OFD1: variants seen among roughly 807,000 people sequenced by gnomAD.
OFD1 encodes centriole and centriolar satellite protein OFD1.
Under a neutral mutation model 81.4 loss-of-function variants are expected in OFD1, and 12 were observed. The observed-to-expected ratio is 0.15, with a 90% confidence interval of 0.09 to 0.24. OFD1 has a LOEUF of 0.24. Among genes scored for constraint, OFD1 ranks in the 10% least tolerant of loss-of-function variants. The probability of loss-of-function intolerance (pLI) is 1.00; values close to 1 mark genes in which losing one functional copy is unlikely to be tolerated. For synonymous variants in OFD1, 256 were observed against 263.7 expected (o/e 0.97, Z 0.28); for missense variants, 685 against 733.9 (o/e 0.93, Z 0.77).
chrX:13,768,285 A>T, intron 21 of OFD1, 61 bp downstream of exon 21: 1 of 893,588 alleles, frequency 1.1e-6, no homozygotes, highest in Non-Finnish European at 1.6e-6. Context: ...TCCGTGGCTT[A>T]ACTTCTTGGG....
chrX:13,765,423 T>C (rs748188222), intron 19 of OFD1, among the ~76,000 whole-genome samples: 1 of 111,942 alleles, frequency 8.9e-6, no homozygotes, highest in East Asian at 2.8e-4. Context: ...GGAGTAACTA[T>C]TTTTTCTTCT....
Position 13,769,168 on chromosome X carries a change from CT to C in OFD1, c.*63del. ...GTGAGAAGTTACGTAACATTTACTC[CT>C]TTGTAAATGTTTCCCTATCATCAGA... On this transcript the variant is annotated 3_prime_UTR_variant, in exon 23 of 23. Coordinates refer to ENST00000340096, the MANE Select transcript of OFD1 (RefSeq NM_003611.3). 3 of 892,711 alleles carry C rather than the reference CT, an allele frequency of 3.4e-6. No homozygotes were observed. The highest frequency in any genetic ancestry group is 4.9e-6 in the Non-Finnish European group (3 of 607,108). The allele number at this position is 892,711 out of a possible 1,213,427, so 73.6% of individuals were successfully genotyped here. A position where few individuals can be genotyped will look rare whatever the true frequency, so the allele number is the denominator to read the frequency against.
rs915327358 is a variant in OFD1, at chrX:13,736,189, G to C, written c.112-289G>C. 2.4e-5 allele frequency: 22 copies of C among 912,796 alleles called. No individual in the cohort carries two copies. In the African/African-American group the frequency reaches 4.1e-4, roughly 17 times the overall value. The allele number at this position is 912,796 out of a possible 1,213,427, so 75.2% of individuals were successfully genotyped here. A position where few individuals can be genotyped will look rare whatever the true frequency, so the allele number is the denominator to read the frequency against. On this transcript the variant is annotated intron_variant, in intron 2 of 22. Coordinates refer to ENST00000340096, the MANE Select transcript of OFD1 (RefSeq NM_003611.3). ...TAAGCTGCTGAAATGGGCTTCTAGG[G>C]AAGTGAAGTTATGAGTCTGCAAGTG...
chrX:13,758,181 GT>G (rs201339023), intron 14 of OFD1, among the ~76,000 whole-genome samples, 155 bp from the exon 15 acceptor site: 4 of 108,753 alleles, frequency 3.7e-5, no homozygotes, highest in Non-Finnish European at 7.7e-5. Flanking sequence ...TTCTGCTTGT[GT>G]TTTTTTTTAA....
At chrX:13,746,723 T>C (rs2146969387) in intron 7 of OFD1, 57 bp from the exon 8 acceptor site, 1 of 936,909 alleles carries the variant, frequency 1.1e-6, no homozygotes, top group East Asian at 3.2e-5. Flanking sequence ...AGAGAACTTG[T>C]TCCTGTTTTT....
upstream of OFD1, among the ~76,000 whole-genome samples, chrX:13,729,926 C>CA (rs200745725): frequency 0.011 from 1,204 of 110,349 alleles, 20 homozygotes; most frequent in African/African-American, 0.038. Flanking sequence ...AAAAAACAAA[C>CA]AAAAAAAAGA....
upstream of OFD1, among the ~76,000 whole-genome samples, chrX:13,732,543 C>G (rs771770975): frequency 3.5e-4 from 40 of 112,725 alleles, no homozygotes; most frequent in African/African-American, 1.0e-3. Flanking sequence ...ATGCTGTGAT[C>G]AATTATCCAT....
At chrX:13,737,252 G>GTT (rs373562457) in intron 3 of OFD1, among the ~76,000 whole-genome samples, 1,153 of 98,777 alleles carry the variant, frequency 0.012, 16 homozygotes, top group African/African-American at 0.037. Flanking sequence ...AAAAACACTT[G>GTT]TTTTTTTTTT....
intron 12 of OFD1, among the ~76,000 whole-genome samples, chrX:13,755,532 C>G (rs2047668727): frequency 9.0e-6 from 1 of 111,459 alleles, no homozygotes; most frequent in African/African-American, 3.3e-5. Context: ...GAGCTGTAAA[C>G]TAGGATGTTT....
intron 20 of OFD1, 108 bp downstream of exon 20, chrX:13,767,392 G>A (rs1455006246): frequency 8.6e-5 from 70 of 809,777 alleles, no homozygotes; most frequent in Non-Finnish European, 1.1e-5. Flanking sequence ...TCAGAGGTGC[G>A]GCAGATGCCT....
At chrX:13,753,475 C>T (rs2047578698) in intron 11 of OFD1, 34 bp downstream of exon 11, 1 of 1,192,852 alleles carries the variant, frequency 8.4e-7, no homozygotes, top group Non-Finnish European at 1.1e-6. Context: ...CTGTATTTTT[C>T]AGTTCTGCTG....
Position 13,734,776 on chromosome X carries a change from G to A in OFD1, c.-296G>A, listed in dbSNP as rs2285635. 3.7e-5 allele frequency: 39 copies of A among 1,056,349 alleles called. No individual in the cohort carries two copies. Among genetic ancestry groups the A allele is most frequent in the Non-Finnish European group, 4.5e-5 (37 of 826,019 alleles). The allele number at this position is 1,056,349 out of a possible 1,213,427, so 87.1% of individuals were successfully genotyped here. ...GGCTGTGAGGCGGTCCTGCCTCGCT[G>A]CCTTCAGTCCCTAGTGTCTGGGTCC... On this transcript the variant is annotated 5_prime_UTR_variant, in exon 1 of 23. Coordinates refer to ENST00000340096, the MANE Select transcript of OFD1 (RefSeq NM_003611.3).
downstream of OFD1, chrX:13,772,327 T>C (rs2048315722): frequency 1.8e-5 from 2 of 112,121 alleles, no homozygotes; most frequent in South Asian, 3.7e-4. Flanking sequence ...GTCCTGGACT[T>C]GGGAGGGAAA....
chrX:13,717,458 T>C, the OFD1 span, among the ~76,000 whole-genome samples: 1 of 112,171 alleles, frequency 8.9e-6, no homozygotes, highest in Non-Finnish European at 1.9e-5. Flanking sequence ...AATACATTTT[T>C]TGGCCAGGCG....
chrX:13,763,711 T>A (rs761613909), intron 18 of OFD1, 34 bp from the exon 19 acceptor site: 13 of 1,089,791 alleles, frequency 1.2e-5, no homozygotes, highest in Non-Finnish European at 1.3e-6. Context: ...GGTGTTATTA[T>A]TAAGGACTCA....
At chrX:13,722,164 C>A in the OFD1 span, 1 of 83,543 alleles carries the variant, frequency 1.2e-5, no homozygotes. Context: ...TGGAGTTTGC[C>A]AAGGGAAGGG....
intron 22 of OFD1, 116 bp downstream of exon 22, chrX:13,768,901 GTGACTATAAAAACAATTGAGTTTTT>G: frequency 1.3e-6 from 1 of 789,388 alleles, no homozygotes; most frequent in African/African-American, 2.0e-5. Context: ...GTCAAAATTA[GTGACTATAAAAACAATTGAGTTTTT>G]TGACTTGTGA....
rs1602758073 is a variant in OFD1 at position 13,734,870 on chromosome X, G to C, written c.-202G>C. 9.2e-7 allele frequency: 1 copy of C among 1,084,187 alleles called. No individual in the cohort carries two copies. The highest frequency in any genetic ancestry group is 1.9e-5 in the African/African-American group (1 of 53,282). 89.3% of individuals were successfully genotyped at this position (1,084,187 alleles called of 1,213,427 possible). On this transcript the variant is annotated 5_prime_UTR_variant, in exon 1 of 23. Coordinates refer to ENST00000340096, the MANE Select transcript of OFD1 (RefSeq NM_003611.3). The stretch of plus-strand genomic sequence containing the variant: ...TGCCTCAGAACCGCGAAGAAAGGAA[G>C]CTCGCGTGTTTGCTAGAAAACCTAG...
At position 13,740,038 on chromosome X, in the gene OFD1, A is replaced by G. The variant is rs771557286; in HGVS notation, c.412+1006A>G. On this transcript the variant is annotated intron_variant, in intron 5 of 22. Transcript: ENST00000340096. ...AGGACATTCATTTATTCATCCATTC[A>G]TTCGCCAATTCATTTAGAACTTAAT... is the stretch of plus-strand genomic sequence containing the variant. 25 of 927,999 alleles carry G rather than the reference A, an allele frequency of 2.7e-5. No homozygotes were observed. The Admixed American group carries it at 5.3e-4, about 20-fold the overall frequency. 76.5% of individuals were successfully genotyped at this position (927,999 alleles called of 1,213,427 possible).
Sources: gnomAD v4.1 joint callset for allele counts (sites outside exome capture counted in the v4.1 genomes callset) on GRCh38, gnomAD v4.1.1 for gene constraint, MANE v1.5 for transcripts, NCBI Gene and HGNC (gene_info 2026-07-23, HGNC 2026-07-21) for gene names.